ENTREP2: variants seen among roughly 807,000 people sequenced by gnomAD.
The protein encoded by ENTREP2 is protein ENTREP2.
chr15:29,581,859 T>C, the ENTREP2 span, among the ~76,000 whole-genome samples: 5 of 151,976 alleles, frequency 3.3e-5, no homozygotes, highest in Non-Finnish European at 7.4e-5. Flanking sequence ...GTAATCAATA[T>C]ATTGTGGTGT....
chr15:29,118,329 C>T, the ENTREP2 span: 1 of 152,326 alleles, frequency 6.6e-6, no homozygotes, highest in Non-Finnish European at 1.5e-5. Flanking sequence ...GTGTGTGTGA[C>T]TGGTCTGTTA....
the ENTREP2 span, among the ~76,000 whole-genome samples, chr15:29,416,663 AAAG>A: frequency 6.6e-6 from 1 of 152,084 alleles, no homozygotes; most frequent in East Asian, 1.9e-4. Flanking sequence ...TAATTAAACT[AAAG>A]AGCTTCTGCA....
At chr15:29,128,764 C>G in the ENTREP2 span, 3 of 1,537,182 alleles carry the variant, frequency 2.0e-6, no homozygotes, top group Non-Finnish European at 2.6e-6. Context: ...CACCCCACTT[C>G]AGGAGCTGAA....
At chr15:29,548,169 A>G in the ENTREP2 span, among the ~76,000 whole-genome samples, 2 of 152,128 alleles carry the variant, frequency 1.3e-5, no homozygotes, top group East Asian at 1.9e-4. Flanking sequence ...CTTACAATGG[A>G]TAAGATGGGG....
the ENTREP2 span, among the ~76,000 whole-genome samples, chr15:29,538,263 T>C: frequency 2.0e-5 from 3 of 152,046 alleles, no homozygotes; most frequent in African/African-American, 4.8e-5. Context: ...GTCCCAGTCA[T>C]GTTCAGCTGG....
chr15:29,126,313 C>T, the ENTREP2 span: 11 of 1,510,560 alleles, frequency 7.3e-6, no homozygotes, highest in Non-Finnish European at 9.8e-6. Flanking sequence ...TGGAGCGGGA[C>T]ACACGCCCGG....
At chr15:29,393,257 A>G in the ENTREP2 span, among the ~76,000 whole-genome samples, 24 of 152,194 alleles carry the variant, frequency 1.6e-4, no homozygotes, top group African/African-American at 5.8e-4. Context: ...TGTGGAGCCA[A>G]GTTGGAAAAC....
chr15:29,652,406 G>A, the ENTREP2 span, among the ~76,000 whole-genome samples: 4 of 152,196 alleles, frequency 2.6e-5, no homozygotes, highest in Admixed American at 6.5e-5. Context: ...GCATGCCTCA[G>A]TCTTCCTGGT....
the ENTREP2 span, among the ~76,000 whole-genome samples, chr15:29,149,293 G>A: frequency 6.6e-6 from 1 of 152,198 alleles, no homozygotes; most frequent in Non-Finnish European, 1.5e-5. Flanking sequence ...CGACTGTGCT[G>A]TACCAGAAAC....
At chr15:29,193,674 A>G in the ENTREP2 span, among the ~76,000 whole-genome samples, 10 of 152,310 alleles carry the variant, frequency 6.6e-5, no homozygotes, top group South Asian at 8.3e-4. Flanking sequence ...TATCTGTCCT[A>G]TTGGCTCTGT....
chr15:29,567,298 G>C, the ENTREP2 span, among the ~76,000 whole-genome samples: 7 of 152,086 alleles, frequency 4.6e-5, no homozygotes, highest in African/African-American at 1.7e-4. Context: ...TCTTCAACTT[G>C]GTCCAGTGGA....
chr15:29,649,995 C>CA, the ENTREP2 span, among the ~76,000 whole-genome samples: 1 of 151,934 alleles, frequency 6.6e-6, no homozygotes, highest in Non-Finnish European at 1.5e-5. Context: ...ACCACCCCCA[C>CA]AAAAAAATTG....
At chr15:29,232,306 A>G in the ENTREP2 span, among the ~76,000 whole-genome samples, 2 of 152,202 alleles carry the variant, frequency 1.3e-5, no homozygotes, top group South Asian at 2.1e-4. Flanking sequence ...TTCACACCAA[A>G]TAAGTACTAC....
the ENTREP2 span, among the ~76,000 whole-genome samples, chr15:29,158,937 T>C: frequency 6.6e-6 from 1 of 152,160 alleles, no homozygotes; most frequent in South Asian, 2.1e-4. Flanking sequence ...CTACGTAAGT[T>C]ATGGATATTA....
chr15:29,634,277 G>C, the ENTREP2 span, among the ~76,000 whole-genome samples: 7 of 152,080 alleles, frequency 4.6e-5, no homozygotes, highest in African/African-American at 1.7e-4. Flanking sequence ...GTAAGGGTAA[G>C]AACTGTCACC....
the ENTREP2 span, among the ~76,000 whole-genome samples, chr15:29,599,884 CTTTA>C: frequency 6.6e-6 from 1 of 152,234 alleles, no homozygotes; most frequent in Non-Finnish European, 1.5e-5. Context: ...CAGCCCTGCC[CTTTA>C]GGCAAAGCAC....
chr15:29,467,199 T>C, the ENTREP2 span, among the ~76,000 whole-genome samples: 1 of 152,044 alleles, frequency 6.6e-6, no homozygotes, highest in African/African-American at 2.4e-5. Flanking sequence ...GGCAAAGCGA[T>C]GGGCAGGGCT....
the ENTREP2 span, among the ~76,000 whole-genome samples, chr15:29,118,770 G>A: frequency 6.6e-6 from 1 of 150,988 alleles, no homozygotes; most frequent in African/African-American, 2.4e-5. Context: ...TTTGCAGCCT[G>A]TCTAGAGTGA....
the ENTREP2 span, among the ~76,000 whole-genome samples, chr15:29,461,898 A>G: frequency 4.0e-5 from 6 of 149,876 alleles, no homozygotes; most frequent in Non-Finnish European, 8.9e-5. Context: ...CCACTGAACA[A>G]CTCCCCATTC....
Sources: allele counts gnomAD v4.1 joint callset (sites outside exome capture counted in the v4.1 genomes callset), GRCh38; gene constraint gnomAD v4.1.1; transcripts MANE v1.5; gene names NCBI Gene and HGNC (gene_info 2026-07-23, HGNC 2026-07-21).